Variants in ZNF732 observed in about 807,000 individuals in gnomAD.
ZNF732 encodes zinc finger protein 732.
In ZNF732, 12 loss-of-function variants were observed where a neutral mutation model predicts 11.5. That is an observed-to-expected ratio of 1.05 (90% CI 0.67 to 1.70). ZNF732 has a LOEUF of 1.70. ZNF732 is among the 40% of genes most tolerant of loss of function. ZNF732 has a pLI of 0.00. For missense variants in ZNF732, 702 were observed against 676.9 expected, an observed-to-expected ratio of 1.04 and a Z score of -0.41; for synonymous variants, 231 against 236.5, an observed-to-expected ratio of 0.98 and a Z score of 0.21.
intron 3 of ZNF732, among the ~76,000 whole-genome samples, chr4:281,237 C>G (rs1362058784): frequency 1.3e-5 from 2 of 152,226 alleles, no homozygotes; most frequent in Non-Finnish European, 2.9e-5. Context: ...ACCTAGAAAT[C>G]CACAGGGAGA....
intron 3 of ZNF732, among the ~76,000 whole-genome samples, chr4:279,323 G>C (rs1390417564): frequency 6.6e-6 from 1 of 151,916 alleles, no homozygotes; most frequent in Non-Finnish European, 1.5e-5. Context: ...GTGGGCGCTT[G>C]TAGTCCCAGC....
At chr4:287,113 T>C (rs1475733959) in intron 3 of ZNF732, among the ~76,000 whole-genome samples, 1 of 151,820 alleles carries the variant, frequency 6.6e-6, no homozygotes, top group Non-Finnish European at 1.5e-5. Context: ...ATGGCGCCAC[T>C]GCACTCCAGC....
intron 3 of ZNF732, among the ~76,000 whole-genome samples, chr4:275,223 A>G (rs1360770264): frequency 6.6e-6 from 1 of 151,700 alleles, no homozygotes; most frequent in Non-Finnish European, 1.5e-5. Context: ...CTGGAATGAG[A>G]GTAGAAATAA....
Position 275,775 on chromosome 4 carries a change from T to C in ZNF732, c.227-3145A>G, listed in dbSNP as rs532110457. ...AAAAAATAAACAAGTACAATAAAGA[T>C]AAATCTTGATGACATTATACAACAA... On this transcript the variant is annotated intron_variant, in intron 3 of 3. Coordinates refer to ENST00000419098, the MANE Select transcript of ZNF732 (RefSeq NM_001137608.3). Among the ~76,000 whole-genome samples the C allele has an allele frequency of 8.0e-4, 122 of 151,832 alleles. 3 individuals carry two copies. In the South Asian group the frequency reaches 0.024, roughly 30 times the overall value.
Position 271,822 on chromosome 4 carries a change from CCTA to C in ZNF732, c.1032_1034del (p.Ser344del). 6.2e-7 allele frequency: 1 copy of C among 1,613,116 alleles called. No individual in the cohort carries two copies. Among genetic ancestry groups the C allele is most frequent in the Non-Finnish European group, 8.5e-7 (1 of 1,179,638 alleles). On this transcript the variant is annotated inframe_deletion, in exon 4 of 4. Transcript: ENST00000419098. Reference sequence around the variant, plus strand: ...TCTTATGTTCATTCAGAACTGAGGACCTACTAAAGGCTTTGCCACATTCTTCAC... The same window carrying C: ...TCTTATGTTCATTCAGAACTGAGGACCTAAAGGCTTTGCCACATTCTTCAC...
intron 1 of ZNF732, among the ~76,000 whole-genome samples, chr4:303,163 T>G (rs1045445569): frequency 2.6e-5 from 4 of 152,242 alleles, no homozygotes; most frequent in Admixed American, 2.6e-4. Context: ...AACTGTTTAC[T>G]TTCCTGTAAC....
At chr4:276,868 A>C (rs1424786211) in intron 3 of ZNF732, among the ~76,000 whole-genome samples, 16 of 150,324 alleles carry the variant, frequency 1.1e-4, no homozygotes, top group Non-Finnish European at 2.4e-4. Flanking sequence ...AGGGGGGGAC[A>C]AAAAAAAACA....
chr4:276,247 A>G (rs1429524827), intron 3 of ZNF732, among the ~76,000 whole-genome samples: 2 of 151,876 alleles, frequency 1.3e-5, no homozygotes, highest in Non-Finnish European at 3.0e-5. Context: ...ATAGGGAAAC[A>G]ATATGCAGAG....
At chr4:293,883 A>G (rs1303759688) in intron 3 of ZNF732, among the ~76,000 whole-genome samples, 1 of 152,222 alleles carries the variant, frequency 6.6e-6, no homozygotes. Flanking sequence ...ACACAGATAT[A>G]TAGTAAGTAC....
chr4:271,816 T>C lies in ZNF732; in HGVS notation c.1041A>G (p.Ser347=), dbSNP rs1719377784. 6.2e-7 allele frequency: 1 copy of C among 1,613,352 alleles called. No individual in the cohort carries two copies. Among genetic ancestry groups the C allele is most frequent in the East Asian group, 2.2e-5 (1 of 44,860 alleles). ...GAATTCTCTTATGTTCATTCAGAAC[T>C]GAGGACCTACTAAAGGCTTTGCCAC... is the stretch of plus-strand genomic sequence containing the variant. ...EECGKAFSRS[S]VLNEHKRIHT... is the part of the protein sequence containing the mutation. The change falls in exon 4 of 4, where the codon TCA becomes TCG. Residue 347 remains serine (S), a synonymous_variant. Transcript: ENST00000419098.
At chr4:297,798 G>C (rs1214937880) in intron 1 of ZNF732, among the ~76,000 whole-genome samples, 1 of 152,104 alleles carries the variant, frequency 6.6e-6, no homozygotes, top group African/African-American at 2.4e-5. Context: ...AGTAGGAGTA[G>C]TCACTCCAAA....
chr4:293,019 G>A (rs1581543278), intron 3 of ZNF732, among the ~76,000 whole-genome samples: 1 of 122,798 alleles, frequency 8.1e-6, no homozygotes, highest in African/African-American at 3.1e-5. Context: ...AGTGAGCCGA[G>A]ATCGCGCCAC....
rs554656319 is a variant in ZNF732, at chr4:304,740, C to T, written c.3+568G>A. 1.1e-4 allele frequency among the ~76,000 whole-genome samples: 16 copies of T among 152,332 alleles called. No individual in the cohort carries two copies. The South Asian group carries it at 2.9e-3, about 28-fold the overall frequency. ...CACACCAGCGTATTCTAAAAGATGC[C>T]ACTCAGGAACAGCCACGCGGAGGAG... On this transcript the variant is annotated intron_variant, in intron 1 of 3. Transcript: ENST00000419098.
In ZNF732 at chr4:301,303, A is replaced by G. The variant is rs181844995; in HGVS notation, c.3+4005T>C. Among the ~76,000 whole-genome samples, 102 of 152,326 alleles carry G rather than the reference A, an allele frequency of 6.7e-4. No homozygotes were observed. The East Asian group carries it at 0.015, about 23-fold the overall frequency. On this transcript the variant is annotated intron_variant, in intron 1 of 3. Transcript: ENST00000419098. ...AACTAGTTCAACCATTGTGGAAGAC[A>G]GTGTGGCGATTCCTCAGGGATCTAG...
intron 3 of ZNF732, among the ~76,000 whole-genome samples, chr4:277,332 A>G (rs1184561667): frequency 6.6e-6 from 1 of 152,076 alleles, no homozygotes. Flanking sequence ...AAAGAAAACA[A>G]TTAACAAAGT....
At chr4:299,350 T>TACACACATGTGTATATATATAC (rs1553843071) in intron 1 of ZNF732, among the ~76,000 whole-genome samples, 5 of 125,888 alleles carry the variant, frequency 4.0e-5, no homozygotes, top group African/African-American at 1.4e-4. Context: ...TGAGTATATA[T>TACACACATGTGTATATATATAC]ACACATATAT....
chr4:297,112 A>G (rs1272182558), intron 1 of ZNF732, among the ~76,000 whole-genome samples: 4 of 152,168 alleles, frequency 2.6e-5, no homozygotes, highest in Non-Finnish European at 5.9e-5. Flanking sequence ...TACTAAAAAT[A>G]CAAAAATTAA....
chr4:272,687 A>G lies in ZNF732; in HGVS notation c.227-57T>C, dbSNP rs548356600. On this transcript the variant is annotated intron_variant, in intron 3 of 3. Transcript: ENST00000419098. ...ACTAGATTCATACGAATATACTTTA[A>G]AAATCTAATATATAAACTTATACAA... 2,384 of 1,369,352 alleles carry G rather than the reference A, an allele frequency of 1.7e-3. 2 individuals are homozygous for G. The highest frequency in any genetic ancestry group is 2.2e-3 in the Non-Finnish European group (2,278 of 1,040,104). 84.8% of individuals were successfully genotyped at this position (1,369,352 alleles called of 1,614,324 possible).
rs1553837556 is a variant in ZNF732, at chr4:271,736, G to A, written c.1121C>T (p.Ser374Phe). 6.2e-7 allele frequency: 1 copy of A among 1,611,852 alleles called. No homozygotes were observed. The highest frequency in any genetic ancestry group is 1.7e-5 in the Admixed American group (1 of 59,768). The change falls in exon 4 of 4, where the codon TCC (serine) becomes TTC (phenylalanine). Residue 374 changes from serine to phenylalanine, a missense_variant. Transcript: ENST00000419098. ...ACTCTTATGTTTATTAAGGGTTGCG[G>A]ATTGTCTAAAGGCTTTGCCACATTG... is the stretch of plus-strand genomic sequence containing the variant. ...CEQCGKAFRQ[S>F]ATLNKHKSIH...
Sources: allele counts gnomAD v4.1 joint callset (sites outside exome capture counted in the v4.1 genomes callset), GRCh38; gene constraint gnomAD v4.1.1; transcripts MANE v1.5; gene names NCBI Gene and HGNC (gene_info 2026-07-23, HGNC 2026-07-21).